Variants in PDE4D observed in about 807,000 individuals in gnomAD.
PDE4D encodes the protein 3',5'-cyclic-AMP phosphodiesterase 4D.
A neutral mutation model predicts 87.4 loss-of-function variants in PDE4D; 24 were observed. That is an observed-to-expected ratio of 0.27 (90% CI 0.20 to 0.39). The LOEUF is 0.39. PDE4D is among the 10% of genes least tolerant of loss of function. The pLI is 1.00. For missense variants in PDE4D, 714 were observed against 1,041.0 expected, an observed-to-expected ratio of 0.69 and a Z score of 4.32; for synonymous variants, 384 against 383.2, an observed-to-expected ratio of 1.00 and a Z score of -0.02.
intron 1 of PDE4D, among the ~76,000 whole-genome samples, chr5:59,272,304 T>C (rs1763977686): frequency 6.6e-6 from 1 of 152,060 alleles, no homozygotes; most frequent in African/African-American, 2.4e-5. Flanking sequence ...CTTAATTACA[T>C]TAATGAGAAG....
intron 2 of PDE4D, among the ~76,000 whole-genome samples, chr5:60,076,556 T>G (rs557091621): frequency 1.3e-5 from 2 of 152,194 alleles, no homozygotes; most frequent in Non-Finnish European, 2.9e-5. Flanking sequence ...TGGGTTCAGT[T>G]GACTGGCTCA....
chr5:59,271,038 A>ATT (rs200298144), intron 1 of PDE4D, among the ~76,000 whole-genome samples: 34,564 of 148,228 alleles, frequency 0.23, 4,198 homozygotes, highest in Admixed American at 0.36. Context: ...AGAAAAATGG[A>ATT]TTTTTTTTTT....
rs1237262547 is a variant in PDE4D at position 59,649,904 on chromosome 5, CCTTTTTTTTT to C, written c.455+243254_455+243263del. ...TGTTAAAATGTTGATAGTTTGTGAA[CCTTTTTTTTT>C]TTTTTTTTTTTTTTTTTTAGCAATG... On this transcript the variant is annotated intron_variant, in intron 1 of 14. Transcript: ENST00000340635. 2.1e-3 allele frequency among the ~76,000 whole-genome samples: 157 copies of C among 73,976 alleles called. 22 individuals are homozygous for C. The highest frequency in any genetic ancestry group is 6.9e-3 in the African/African-American group (132 of 19,078). 48.5% of individuals were successfully genotyped at this position (73,976 alleles called of 152,430 possible). A position where few individuals can be genotyped will look rare whatever the true frequency, so the allele number is the denominator to read the frequency against.
intron 2 of PDE4D, among the ~76,000 whole-genome samples, chr5:59,209,870 G>A (rs2153502462): frequency 6.6e-6 from 1 of 152,326 alleles, no homozygotes; most frequent in Non-Finnish European, 1.5e-5. Flanking sequence ...ACTATTCCAA[G>A]CTATTAGTTT....
intron 1 of PDE4D, among the ~76,000 whole-genome samples, chr5:59,730,918 T>C (rs912437743): frequency 6.6e-6 from 1 of 152,176 alleles, no homozygotes; most frequent in African/African-American, 2.4e-5. Context: ...TATCATCTGA[T>C]ATTTTGTTTG....
At chr5:59,286,586 AAGTT>A (rs1290555810) in intron 1 of PDE4D, among the ~76,000 whole-genome samples, 1 of 152,204 alleles carries the variant, frequency 6.6e-6, no homozygotes, top group East Asian at 1.9e-4. Context: ...AAATCATTAA[AAGTT>A]AGTCACTGTT....
At chr5:60,109,850 G>C (rs1582706377) in intron 2 of PDE4D, among the ~76,000 whole-genome samples, 1 of 151,398 alleles carries the variant, frequency 6.6e-6, no homozygotes, top group African/African-American at 2.4e-5. Flanking sequence ...ATCACACTCT[G>C]GGGACTGTTG....
chr5:60,323,117 G>A (rs1756464312), intron 1 of PDE4D, among the ~76,000 whole-genome samples: 1 of 152,072 alleles, frequency 6.6e-6, no homozygotes, highest in Admixed American at 6.5e-5. Flanking sequence ...ACTCTTTTGT[G>A]TATCTCTAGG....
At chr5:59,683,635 T>C (rs1309347394) in intron 1 of PDE4D, among the ~76,000 whole-genome samples, 1 of 152,178 alleles carries the variant, frequency 6.6e-6, no homozygotes, top group African/African-American at 2.4e-5. Context: ...TAGCTATTCG[T>C]GACAAATCTC....
chr5:60,197,098 T>C (rs147415346), intron 1 of PDE4D, among the ~76,000 whole-genome samples: 1,494 of 148,156 alleles, frequency 0.01, 43 homozygotes, highest in African/African-American at 0.015. Flanking sequence ...GATAGATAGA[T>C]AGATAGATAG....
intron 1 of PDE4D, among the ~76,000 whole-genome samples, chr5:59,409,527 T>TGAATGAGC (rs1436390835): frequency 1.3e-5 from 2 of 151,952 alleles, no homozygotes; most frequent in Non-Finnish European, 2.9e-5. Context: ...GGTGAGTGAG[T>TGAATGAGC]GAATGAGCTC....
intron 1 of PDE4D, among the ~76,000 whole-genome samples, chr5:59,231,685 C>T (rs1418939819): frequency 6.6e-6 from 1 of 152,216 alleles, no homozygotes; most frequent in Admixed American, 6.5e-5. Flanking sequence ...AAAGTACGTA[C>T]TGAAAGTACA....
chr5:59,640,707 C>T (rs1030348245), intron 1 of PDE4D, among the ~76,000 whole-genome samples: 4 of 152,200 alleles, frequency 2.6e-5, no homozygotes, highest in Admixed American at 1.3e-4. Flanking sequence ...TTCTCTACTG[C>T]ACAAATCCTG....
chr5:59,422,890 T>C (rs1304429235), intron 1 of PDE4D, among the ~76,000 whole-genome samples: 2 of 152,226 alleles, frequency 1.3e-5, no homozygotes, highest in Non-Finnish European at 2.9e-5. Flanking sequence ...ACCTTTTTCT[T>C]TTTTAAATCT....
At chr5:59,890,310 C>T (rs1405445802) in intron 1 of PDE4D, among the ~76,000 whole-genome samples, 10 of 150,716 alleles carry the variant, frequency 6.6e-5, no homozygotes, top group Admixed American at 4.0e-4. Flanking sequence ...TTCTTGTTTG[C>T]TTTTAGAAAA....
chr5:59,897,325 C>T (rs1420468161), upstream of PDE4D, among the ~76,000 whole-genome samples: 3 of 152,082 alleles, frequency 2.0e-5, no homozygotes, highest in Non-Finnish European at 4.4e-5. Flanking sequence ...AGAGTTCTGG[C>T]AGAAGTGATG....
intron 5 of PDE4D, among the ~76,000 whole-genome samples, chr5:59,099,388 A>AC (rs1770344170): frequency 6.6e-6 from 1 of 152,140 alleles, no homozygotes; most frequent in Admixed American, 6.5e-5. Context: ...ACATCTTACT[A>AC]CCTGGGTCAG....
At chr5:60,245,250 T>G (rs985445813) in intron 1 of PDE4D, among the ~76,000 whole-genome samples, 2 of 151,942 alleles carry the variant, frequency 1.3e-5, no homozygotes, top group Non-Finnish European at 2.9e-5. Context: ...TCACTCTCAT[T>G]AAAATGGCTT....
intron 6 of PDE4D, among the ~76,000 whole-genome samples, chr5:59,022,446 C>G (rs1246187028): frequency 6.6e-6 from 1 of 152,084 alleles, no homozygotes; most frequent in South Asian, 2.1e-4. Flanking sequence ...CACTTTGCCC[C>G]CACTAAGAAA....
Sources: allele counts gnomAD v4.1 joint callset (sites outside exome capture counted in the v4.1 genomes callset), GRCh38; gene constraint gnomAD v4.1.1; transcripts MANE v1.5; gene names NCBI Gene and HGNC (gene_info 2026-07-23, HGNC 2026-07-21).